Variants in NUP50 observed in about 807,000 individuals in gnomAD.
NUP50 encodes nucleoporin 50, also known as nuclear pore complex protein Nup50.
NUP50 carries 14 observed loss-of-function variants against 36.8 expected under a neutral mutation model. That is an observed-to-expected ratio of 0.38 (90% CI 0.25 to 0.59). NUP50 has a LOEUF of 0.59. Ranked by LOEUF, NUP50 falls within the 20% of genes least tolerant of loss-of-function variation. The pLI, the probability that NUP50 is intolerant of heterozygous loss-of-function variation, is 0.63. For missense variants in NUP50, 455 were observed against 564.6 expected, an observed-to-expected ratio of 0.81 and a Z score of 1.97; for synonymous variants, 195 against 210.8, an observed-to-expected ratio of 0.93 and a Z score of 0.65.
At chr22:45,171,900 T>G (rs764533951) in intron 3 of NUP50, 60 of 460,334 alleles carry the variant, frequency 1.3e-4, no homozygotes, top group Non-Finnish European at 1.9e-4. Context: ...ATAGACAAAT[T>G]CAAGTTGAGT....
In NUP50 at chr22:45,178,602, G is replaced by A. The variant is rs536755817; in HGVS notation, c.705G>A (p.Thr235=). 37 of 1,611,834 alleles carry A rather than the reference G, an allele frequency of 2.3e-5. 1 individual carries two copies. In the South Asian group the frequency reaches 2.9e-4, roughly 12 times the overall value. Residue 235 remains threonine (T), a synonymous_variant, in exon 5 of 8, where the codon ACG becomes ACA. Coordinates refer to ENST00000347635, the MANE Select transcript of NUP50 (RefSeq NM_007172.4). The stretch of plus-strand genomic sequence containing the variant: ...CAACAAAATTACAGCAAGAGTCAAC[G>A]TTTTTGTTTCATGGCAACAAAACTG... The part of the protein sequence containing the change: ...FGSTKLQQES[T]FLFHGNKTED...
chr22:45,172,810 C>T (rs761033882), intron 3 of NUP50, among the ~76,000 whole-genome samples: 5 of 152,066 alleles, frequency 3.3e-5, no homozygotes, highest in Admixed American at 1.3e-4. Context: ...TCACTCAGAG[C>T]GTCTCATAAA....
intron 1 of NUP50, chr22:45,165,014 A>C (rs147168891): frequency 2.2e-4 from 34 of 152,252 alleles, no homozygotes; most frequent in African/African-American, 8.2e-4. Flanking sequence ...GCACTTCACT[A>C]TTAAGTGTAG....
intron 3 of NUP50, among the ~76,000 whole-genome samples, chr22:45,174,425 T>C (rs560786154): frequency 6.6e-6 from 1 of 152,220 alleles, no homozygotes; most frequent in Admixed American, 6.5e-5. Flanking sequence ...GACCTGAATG[T>C]CTCGGCCTCC....
rs1377515277 is a variant in NUP50, at chr22:45,186,940, A to G, written c.*2285A>G. Reference sequence around the variant, plus strand: ...CACGGGGCCCCTGGAGGGCTTCCCTACTTTCCCCACTATGTTAACAGGTAA... The same window carrying G: ...CACGGGGCCCCTGGAGGGCTTCCCTGCTTTCCCCACTATGTTAACAGGTAA... On this transcript the variant is annotated 3_prime_UTR_variant, in exon 8 of 8. Transcript: ENST00000347635. The G allele has an allele frequency of 1.3e-5, 2 of 152,176 alleles. No individual in the cohort carries two copies. Among genetic ancestry groups the G allele is most frequent in the African/African-American group, 4.8e-5 (2 of 41,452 alleles). 9.4% of individuals were successfully genotyped at this position (152,176 alleles called of 1,614,324 possible).
At position 45,187,926 on chromosome 22, in the gene NUP50, A is replaced by G. The variant is rs527383861; in HGVS notation, c.*3271A>G. On this transcript the variant is annotated 3_prime_UTR_variant, in exon 8 of 8. Coordinates refer to ENST00000347635, the MANE Select transcript of NUP50 (RefSeq NM_007172.4). ...AAATACTTGAATTGTCAGACAATAT[A>G]ATCTCAGCTTGTATTAGTTTTTGAA... is the stretch of plus-strand genomic sequence containing the variant. 6.5e-6 allele frequency: 1 copy of G among 152,818 alleles called. No individual in the cohort carries two copies. Among genetic ancestry groups the G allele is most frequent in the African/African-American group, 2.4e-5 (1 of 41,598 alleles). The allele number at this position is 152,818 out of a possible 1,614,324, so 9.5% of individuals were successfully genotyped here.
chr22:45,173,897 T>C (rs2074236893), intron 3 of NUP50, among the ~76,000 whole-genome samples: 1 of 152,208 alleles, frequency 6.6e-6, no homozygotes, highest in African/African-American at 2.4e-5. Context: ...TAGCTGTAAC[T>C]CTTAGCCTGA....
At chr22:45,181,586 A>T (rs1470766647) in intron 6 of NUP50, among the ~76,000 whole-genome samples, 3 of 152,128 alleles carry the variant, frequency 2.0e-5, no homozygotes, top group African/African-American at 4.8e-5. Context: ...CTGTCACTTT[A>T]GCTCTTTTAA....
At position 45,184,475 on chromosome 22, in the gene NUP50, G is replaced by A; in HGVS notation, c.1227G>A (p.Leu409=). 1 of 1,613,974 alleles carries A rather than the reference G, an allele frequency of 6.2e-7. No homozygotes were observed. The highest frequency in any genetic ancestry group is 8.5e-7 in the Non-Finnish European group (1 of 1,179,856). ...TNLGNILLNV[L]IPPNMPCTRT... ...CAGGCAACATATTGCTGAACGTTCTGATTCCACCCAATATGCCATGTACGC... is the reference window on the plus strand; with the variant it reads ...CAGGCAACATATTGCTGAACGTTCTAATTCCACCCAATATGCCATGTACGC... The change falls in exon 8 of 8, where the codon CTG becomes CTA. Residue 409 remains leucine (L), a synonymous_variant. Coordinates refer to ENST00000347635, the MANE Select transcript of NUP50 (RefSeq NM_007172.4).
At chr22:45,179,051 C>CT (rs1236861445) in intron 5 of NUP50, 151 bp downstream of exon 5, 3 of 669,078 alleles carry the variant, frequency 4.5e-6, no homozygotes, top group East Asian at 5.7e-5. Context: ...ATCAGCTTCT[C>CT]TGAGTTTCAG....
chr22:45,166,655 C>T (rs143227155), intron 1 of NUP50, among the ~76,000 whole-genome samples: 270 of 149,902 alleles, frequency 1.8e-3, no homozygotes, highest in African/African-American at 6.3e-3. Flanking sequence ...CTGGTGGAGA[C>T]ATTAGTTAAT....
chr22:45,172,448 C>T (rs2074210250), intron 3 of NUP50, among the ~76,000 whole-genome samples: 1 of 152,068 alleles, frequency 6.6e-6, no homozygotes, highest in African/African-American at 2.4e-5. Flanking sequence ...TTTTGAGCAC[C>T]AACGTGATGC....
At chr22:45,171,955 C>T (rs1188520187) in intron 3 of NUP50, 4 of 342,672 alleles carry the variant, frequency 1.2e-5, no homozygotes, top group African/African-American at 2.1e-5. Context: ...CAGAGGTGGG[C>T]GAAGTGGCAT....
intron 7 of NUP50, 153 bp from the exon 8 acceptor site, chr22:45,184,300 T>C: frequency 1.4e-6 from 1 of 707,948 alleles, no homozygotes; most frequent in Non-Finnish European, 2.4e-6. Flanking sequence ...CTCCCAGTTC[T>C]CAGGGAACCA....
Position 45,178,393 on chromosome 22 carries a change from T to C in NUP50, c.496T>C (p.Ser166Pro). The C allele has an allele frequency of 6.2e-7, 1 of 1,613,018 alleles. No individual in the cohort carries two copies. Among genetic ancestry groups the C allele is most frequent in the South Asian group, 1.1e-5 (1 of 91,072 alleles). ...CAAGCAGTTGGCCGCCTTGAACTGC[T>C]CCGTGCGGGATTGGATAGTGAAGCA... ...YHKQLAALNC[S>P]VRDWIVKHVN... The change falls in exon 5 of 8, where the codon TCC becomes CCC. Residue 166 changes from serine to proline, a missense_variant. This residue lies in a region of NUP50 where 166 missense variants were observed against 202.8 expected (regional missense o/e 0.82). Transcript: ENST00000347635.
Position 45,176,095 on chromosome 22 carries a change from T to C in NUP50, c.340+15T>C, listed in dbSNP as rs1601779516. 14 of 1,610,794 alleles carry C rather than the reference T, an allele frequency of 8.7e-6. No individual in the cohort carries two copies. In the East Asian group the frequency reaches 2.9e-4, roughly 33 times the overall value. On this transcript the variant is annotated intron_variant, in intron 4 of 7. Coordinates refer to ENST00000347635, the MANE Select transcript of NUP50 (RefSeq NM_007172.4). ...GGTAGCCTTTGGTAAGTAGCTCCCA[T>C]CCCCCAGCCGCCTGTGTAAGTATCA...
At chr22:45,183,577 T>A (rs75474767) in intron 7 of NUP50, 57 bp downstream of exon 7, 1 of 1,089,980 alleles carries the variant, frequency 9.2e-7, no homozygotes, top group South Asian at 1.2e-5. Context: ...ATAAAAGCGT[T>A]TACCCTGCTG....
chr22:45,177,737 T>C (rs1200362138), intron 4 of NUP50: 1 of 153,228 alleles, frequency 6.5e-6, no homozygotes, highest in African/African-American at 2.4e-5. Flanking sequence ...TTAGTGTTCT[T>C]GTATAAACTT....
intron 2 of NUP50, chr22:45,171,239 C>A: frequency 9.4e-7 from 1 of 1,061,058 alleles, no homozygotes; most frequent in African/African-American, 1.7e-5. Flanking sequence ...CTCTGTTGCC[C>A]AGGCTGGAGT....
Sources: allele counts gnomAD v4.1 joint callset (sites outside exome capture counted in the v4.1 genomes callset), GRCh38; gene constraint gnomAD v4.1.1; regional missense constraint gnomAD v4.1.1; transcripts MANE v1.5; gene names NCBI Gene and HGNC (gene_info 2026-07-23, HGNC 2026-07-21).